GAD2: variants seen among roughly 807,000 people sequenced by gnomAD.
GAD2 encodes the protein 65 kDa glutamic acid decarboxylase.
A neutral mutation model predicts 80.1 loss-of-function variants in GAD2; 22 were observed. That is an observed-to-expected ratio of 0.27 (90% CI 0.20 to 0.39). GAD2 has a LOEUF of 0.39. GAD2 is among the 10% of genes least tolerant of loss of function. The probability of loss-of-function intolerance (pLI) is 1.00; values close to 1 mark genes in which losing one functional copy is unlikely to be tolerated. For synonymous variants in GAD2, 274 were observed against 256.9 expected (o/e 1.07, Z -0.64); for missense variants, 624 against 738.4 (o/e 0.85, Z 1.80).
intron 7 of GAD2, among the ~76,000 whole-genome samples, chr10:26,237,745 T>C (rs1420225074): frequency 6.6e-6 from 1 of 152,104 alleles, no homozygotes. Flanking sequence ...CAGTGGTTCA[T>C]GCCTGTAATC....
chr10:26,242,250 T>A (rs1364422664), intron 7 of GAD2, among the ~76,000 whole-genome samples: 2 of 152,168 alleles, frequency 1.3e-5, no homozygotes, highest in Non-Finnish European at 2.9e-5. Context: ...CCTCCCAAAG[T>A]GCTGGGATTA....
intron 13 of GAD2, among the ~76,000 whole-genome samples, chr10:26,286,770 A>C (rs1845338143): frequency 6.6e-6 from 1 of 152,188 alleles, no homozygotes; most frequent in Non-Finnish European, 1.5e-5. Context: ...GAATTTTAAC[A>C]GGTGTTTATT....
intron 12 of GAD2, among the ~76,000 whole-genome samples, chr10:26,284,917 C>T (rs952976664): frequency 9.9e-5 from 15 of 152,054 alleles, no homozygotes; most frequent in African/African-American, 3.6e-4. Flanking sequence ...TTCTTTATCA[C>T]AGTAGGAATA....
At chr10:26,243,042 A>C (rs199849695) in intron 7 of GAD2, among the ~76,000 whole-genome samples, 7,148 of 133,822 alleles carry the variant, frequency 0.053, 212 homozygotes, top group East Asian at 0.072. Context: ...TGCACAAAAA[A>C]CCCCCCCCCT....
intron 8 of GAD2, among the ~76,000 whole-genome samples, chr10:26,255,918 G>A (rs943223379): frequency 6.6e-6 from 1 of 151,984 alleles, no homozygotes; most frequent in African/African-American, 2.4e-5. Flanking sequence ...GGAGGGATGG[G>A]GAGGAAGGAG....
At chr10:26,219,842 G>A (rs1436674231) in intron 4 of GAD2, among the ~76,000 whole-genome samples, 1 of 152,090 alleles carries the variant, frequency 6.6e-6, no homozygotes, top group African/African-American at 2.4e-5. Context: ...ACACAAGCAG[G>A]CATGATACAG....
intron 11 of GAD2, among the ~76,000 whole-genome samples, chr10:26,275,461 T>C (rs2132308334): frequency 6.6e-6 from 1 of 152,340 alleles, no homozygotes; most frequent in South Asian, 2.1e-4. Context: ...ACACAGAGTT[T>C]CCTCTTATTG....
chr10:26,278,757 T>C (rs1471929438), intron 11 of GAD2, among the ~76,000 whole-genome samples: 3 of 152,038 alleles, frequency 2.0e-5, no homozygotes, highest in African/African-American at 7.2e-5. Context: ...CAGTCGTAAA[T>C]GTATCTGACA....
intron 8 of GAD2, among the ~76,000 whole-genome samples, chr10:26,247,379 C>CATCTT (rs111462052): frequency 0.026 from 3,989 of 152,136 alleles, 183 homozygotes; most frequent in African/African-American, 0.091. Flanking sequence ...CCTCCTATCT[C>CATCTT]GTGACTTAGA....
rs61216190 is a variant in GAD2 at position 26,295,508 on chromosome 10, GCACACACACACACACACA to G, written c.1584+2540_1584+2557del. Among the ~76,000 whole-genome samples the G allele has an allele frequency of 3.7e-5, 5 of 133,902 alleles. No homozygotes were observed. The South Asian group carries it at 1.0e-3, about 28-fold the overall frequency. 87.8% of individuals were successfully genotyped at this position (133,902 alleles called of 152,430 possible). On this transcript the variant is annotated intron_variant, in intron 15 of 15. Transcript: ENST00000376261. ...GAACCAGTAAAATATTCATACGCAT[GCACACACACACACACACA>G]CACACACACACACACACACACAGTC...
rs59054319 is a variant in GAD2 at position 26,218,551 on chromosome 10, T to TCACACACACACACACA, written c.287-470_287-455dup. 2.3e-3 allele frequency among the ~76,000 whole-genome samples: 274 copies of TCACACACACACACACA among 118,850 alleles called. 4 individuals are homozygous for TCACACACACACACACA. The East Asian group carries it at 0.035, about 15-fold the overall frequency. The allele number at this position is 118,850 out of a possible 152,430, so 78.0% of individuals were successfully genotyped here. On this transcript the variant is annotated intron_variant, in intron 3 of 15. Coordinates refer to ENST00000376261, the MANE Select transcript of GAD2 (RefSeq NM_001134366.2). ...CATGCATACGCTCTCTCTCTCTCTC[T>TCACACACACACACACA]CACACACACACACACACACACACAC...
intron 7 of GAD2, among the ~76,000 whole-genome samples, chr10:26,236,445 C>T (rs189538897): frequency 0.012 from 1,851 of 152,102 alleles, 42 homozygotes; most frequent in African/African-American, 0.042. Context: ...GAATTACAGG[C>T]GCCCACCACC....
rs549513268 is a variant in GAD2 at position 26,232,152 on chromosome 10, A to G, written c.840+2375A>G. 2.6e-5 allele frequency among the ~76,000 whole-genome samples: 4 copies of G among 152,308 alleles called. No homozygotes were observed. The South Asian group carries it at 8.3e-4, about 32-fold the overall frequency. On this transcript the variant is annotated intron_variant, in intron 7 of 15. Transcript: ENST00000376261. The stretch of plus-strand genomic sequence containing the variant: ...AAAACGTGATCTATTTTTCTCCTCA[A>G]TTACTATTTTCCTGAAATGGGTTTG...
At position 26,286,354 on chromosome 10, in the gene GAD2, C is replaced by G. The variant is rs1564671677; in HGVS notation, c.1246C>G (p.Gln416Glu). 6.8e-6 allele frequency: 11 copies of G among 1,613,108 alleles called. No individual in the cohort carries two copies. Among genetic ancestry groups the G allele is most frequent in the Non-Finnish European group, 7.6e-6 (9 of 1,179,678 alleles). ...CTCTTCTCTCTTGTAGGGATTGATG[C>G]AGAATTGCAACCAAATGCATGCCTC... ...ALLVREEGLM[Q>E]NCNQMHASYL... Residue 416 changes from glutamine to glutamate, a missense_variant, in exon 13 of 16, where the codon CAG becomes GAG. Gln to Glu is a conservative substitution (Grantham distance 29). Coordinates refer to ENST00000376261, the MANE Select transcript of GAD2 (RefSeq NM_001134366.2).
chr10:26,265,695 A>G (rs750166612), intron 8 of GAD2, among the ~76,000 whole-genome samples: 1 of 150,866 alleles, frequency 6.6e-6, no homozygotes, highest in Non-Finnish European at 1.5e-5. Flanking sequence ...TGGATGTATA[A>G]TTATTAAAGA....
chr10:26,220,128 G>A (rs571122165), intron 4 of GAD2, among the ~76,000 whole-genome samples: 112 of 152,130 alleles, frequency 7.4e-4, no homozygotes, highest in African/African-American at 2.4e-3. Context: ...GATTACCCTC[G>A]CTTTTTACGT....
rs1231784004 is a variant in GAD2 at position 26,301,816 on chromosome 10, C to T, written c.*855C>T. 1 of 152,204 alleles carries T rather than the reference C, an allele frequency of 6.6e-6. No homozygotes were observed. The highest frequency in any genetic ancestry group is 1.9e-4 in the East Asian group (1 of 5,206). The allele number at this position is 152,204 out of a possible 1,614,324, so 9.4% of individuals were successfully genotyped here. A position where few individuals can be genotyped will look rare whatever the true frequency, so the allele number is the denominator to read the frequency against. On this transcript the variant is annotated 3_prime_UTR_variant, in exon 16 of 16. Transcript: ENST00000376261. The stretch of plus-strand genomic sequence containing the variant: ...TTCCACCCATTTTACTCTTAGCGGA[C>T]TCACTCTGCAAGCGTGACAAACCAG...
intron 8 of GAD2, among the ~76,000 whole-genome samples, chr10:26,259,354 C>A (rs1336310257): frequency 1.3e-5 from 2 of 152,180 alleles, no homozygotes; most frequent in African/African-American, 4.8e-5. Flanking sequence ...ACATCCTCAC[C>A]ACCACTTGTT....
At chr10:26,229,583 G>A (rs1844572641) in intron 6 of GAD2, 79 bp from the exon 7 acceptor site, 2 of 996,260 alleles carry the variant, frequency 2.0e-6, no homozygotes, top group Admixed American at 2.0e-5. Flanking sequence ...ACTCAGGTCA[G>A]TGGAAATAAG....
Sources: gnomAD v4.1 joint callset for allele counts (sites outside exome capture counted in the v4.1 genomes callset) on GRCh38, gnomAD v4.1.1 for gene constraint, MANE v1.5 for transcripts, NCBI Gene and HGNC (gene_info 2026-07-23, HGNC 2026-07-21) for gene names.